ALK: variants seen among roughly 807,000 people sequenced by gnomAD.
The protein encoded by ALK is ALK tyrosine kinase receptor.
In ALK, 74 loss-of-function variants were observed where a neutral mutation model predicts 163.1. The ratio of observed to expected loss-of-function variants is 0.45; its 90% CI spans 0.38 to 0.55. The LOEUF is 0.55. Ranked by LOEUF, ALK falls within the 20% of genes least tolerant of loss-of-function variation. ALK has a pLI of 0.00. For missense variants in ALK, 2,063 were observed against 2,105.3 expected, an observed-to-expected ratio of 0.98 and a Z score of 0.39; for synonymous variants, 960 against 843.2, an observed-to-expected ratio of 1.14 and a Z score of -2.40.
chr2:29,529,988 G>C (rs1673075559), intron 4 of ALK, among the ~76,000 whole-genome samples: 1 of 151,862 alleles, frequency 6.6e-6, no homozygotes. Context: ...AGGGAAGGCT[G>C]CCCCTGAAGG....
At chr2:29,773,239 C>T (rs66795298) in intron 1 of ALK, among the ~76,000 whole-genome samples, 1 of 137,646 alleles carries the variant, frequency 7.3e-6, no homozygotes, top group East Asian at 2.2e-4. Flanking sequence ...AATGTACACA[C>T]ACACACACAC....
chr2:29,661,777 C>A (rs1205194334), intron 3 of ALK, among the ~76,000 whole-genome samples: 1 of 152,212 alleles, frequency 6.6e-6, no homozygotes, highest in African/African-American at 2.4e-5. Flanking sequence ...AATGGCCAAT[C>A]TGTGTCATTT....
intron 3 of ALK, among the ~76,000 whole-genome samples, chr2:29,680,387 T>C (rs1678027479): frequency 1.3e-5 from 2 of 152,100 alleles, no homozygotes. Context: ...TTTCTCTCTG[T>C]TCTTTAGGGT....
chr2:29,811,764 G>A lies in ALK; in HGVS notation c.668-94067C>T, dbSNP rs966303622. Among the ~76,000 whole-genome samples, 3 of 152,222 alleles carry A rather than the reference G, an allele frequency of 2.0e-5. No homozygotes were observed. The East Asian group carries it at 5.8e-4, about 29-fold the overall frequency. On this transcript the variant is annotated intron_variant, in intron 1 of 28. Transcript: ENST00000389048. ...GCTCTGATCTGGATTTCAAGTTCAT[G>A]TTACTGGTGATGCCTTTCTCTTCTC... is the stretch of plus-strand genomic sequence containing the variant.
In ALK at chr2:29,439,706, G is replaced by A. The variant is rs866639561; in HGVS notation, c.1155-55847C>T. On this transcript the variant is annotated intron_variant, in intron 4 of 28. Coordinates refer to ENST00000389048, the MANE Select transcript of ALK (RefSeq NM_004304.5). ...TGTTAAAAAAAAAAAAAAAAAAAAG[G>A]ATGGGAGATACGTGCAGAGAGAAGG... 1.3e-3 allele frequency among the ~76,000 whole-genome samples: 190 copies of A among 146,178 alleles called. 1 individual carries two copies. The highest frequency in any genetic ancestry group is 0.011 in the Middle Eastern group (3 of 270).
At chr2:29,758,296 T>A (rs1292254591) in intron 1 of ALK, among the ~76,000 whole-genome samples, 1 of 152,042 alleles carries the variant, frequency 6.6e-6, no homozygotes. Flanking sequence ...CCCCACGTAC[T>A]CTTATTTGGG....
chr2:29,830,123 T>C (rs1409382632), intron 1 of ALK, among the ~76,000 whole-genome samples: 1 of 152,236 alleles, frequency 6.6e-6, no homozygotes, highest in East Asian at 1.9e-4. Context: ...GTGGATGTTT[T>C]AGTGAGGCTC....
intron 2 of ALK, among the ~76,000 whole-genome samples, chr2:29,712,244 CTT>C (rs2148303055): frequency 6.6e-6 from 1 of 152,326 alleles, no homozygotes; most frequent in East Asian, 1.9e-4. Context: ...GGGACTCAGA[CTT>C]TGTGGTGAAT....
intron 1 of ALK, among the ~76,000 whole-genome samples, chr2:29,892,037 ACCCTAT>A (rs1448221471): frequency 1.3e-5 from 2 of 152,124 alleles, no homozygotes; most frequent in Admixed American, 6.5e-5. Flanking sequence ...TTTGAGGCAC[ACCCTAT>A]TACTCTCTTG....
At chr2:29,841,920 G>A (rs1665712033) in intron 1 of ALK, among the ~76,000 whole-genome samples, 1 of 152,034 alleles carries the variant, frequency 6.6e-6, no homozygotes, top group Non-Finnish European at 1.5e-5. Context: ...CCCAGCCATG[G>A]TACACAGTGT....
chr2:29,505,331 G>T (rs571650476), intron 4 of ALK, among the ~76,000 whole-genome samples: 1 of 152,236 alleles, frequency 6.6e-6, no homozygotes, highest in East Asian at 1.9e-4. Flanking sequence ...GGTCATCAAT[G>T]GTGCCTGAGT....
intron 3 of ALK, among the ~76,000 whole-genome samples, chr2:29,579,574 A>G (rs6757945): frequency 0.84 from 127,365 of 151,702 alleles, 54,051 homozygotes; most frequent in Non-Finnish European, 0.92. Context: ...TGTCCTCTAT[A>G]CACTTTGGTG....
intron 3 of ALK, among the ~76,000 whole-genome samples, chr2:29,594,417 G>A (rs568612669): frequency 1.3e-5 from 2 of 149,698 alleles, no homozygotes; most frequent in African/African-American, 2.5e-5. Context: ...TACAAATAAG[G>A]TCTCCTCACT....
chr2:29,865,460 G>A (rs72792300), intron 1 of ALK, among the ~76,000 whole-genome samples: 1,843 of 152,204 alleles, frequency 0.012, 22 homozygotes, highest in South Asian at 0.061. Flanking sequence ...TCTCCTATGT[G>A]GATTGGCTTC....
intron 1 of ALK, among the ~76,000 whole-genome samples, chr2:29,825,343 G>T (rs1319300886): frequency 6.6e-6 from 1 of 152,174 alleles, no homozygotes; most frequent in Non-Finnish European, 1.5e-5. Context: ...CAGATTCCCT[G>T]TTAGGTCCTG....
chr2:29,662,220 T>C (rs1573536358), intron 3 of ALK, among the ~76,000 whole-genome samples: 1 of 152,228 alleles, frequency 6.6e-6, no homozygotes, highest in South Asian at 2.1e-4. Flanking sequence ...CCTATCAATA[T>C]CTTTTAATAC....
In ALK at chr2:29,196,875, A is replaced by G. The variant is rs777115850; in HGVS notation, c.4074-15T>C. 1.1e-5 allele frequency: 17 copies of G among 1,588,898 alleles called. 1 individual carries two copies. In the South Asian group the frequency reaches 1.8e-4, roughly 17 times the overall value. ...TTATCCGGTATCTAAAAGAAGAAGC[A>G]CATTAATTAAAATAAGGAGAAGCAC... On this transcript the variant is annotated splice_polypyrimidine_tract_variant and intron_variant, in intron 27 of 28. Transcript: ENST00000389048.
chr2:29,426,904 G>A (rs1047405118), intron 4 of ALK, among the ~76,000 whole-genome samples: 3 of 151,704 alleles, frequency 2.0e-5, no homozygotes, highest in African/African-American at 7.3e-5. Context: ...TGAGCATAGT[G>A]GGGTGCGCCT....
intron 4 of ALK, among the ~76,000 whole-genome samples, chr2:29,469,271 C>A (rs1573380276): frequency 6.6e-6 from 1 of 152,124 alleles, no homozygotes; most frequent in African/African-American, 2.4e-5. Flanking sequence ...AAGGAATTAG[C>A]CAAATCAGTG....
Sources: allele counts gnomAD v4.1 joint callset (sites outside exome capture counted in the v4.1 genomes callset), GRCh38; gene constraint gnomAD v4.1.1; transcripts MANE v1.5; gene names NCBI Gene and HGNC (gene_info 2026-07-23, HGNC 2026-07-21).